The following GALNT13 variants were observed in gnomAD, a reference collection of about 807,000 sequenced individuals.
The protein encoded by GALNT13 is polypeptide N-acetylgalactosaminyltransferase 13.
In GALNT13, 28 loss-of-function variants were observed where a neutral mutation model predicts 64.2. The ratio of observed to expected loss-of-function variants is 0.44; its 90% CI spans 0.32 to 0.60. GALNT13 has a LOEUF of 0.60. GALNT13 is among the 20% of genes least tolerant of loss of function. GALNT13 has a pLI of 0.05. For synonymous variants in GALNT13, 214 were observed against 224.6 expected (o/e 0.95, Z 0.42); for missense variants, 577 against 669.8 (o/e 0.86, Z 1.53).
chr2:154,171,156 G>T (rs191191682), intron 4 of GALNT13, among the ~76,000 whole-genome samples: 3 of 152,168 alleles, frequency 2.0e-5, no homozygotes, highest in African/African-American at 7.2e-5. Flanking sequence ...ATATTTTTCA[G>T]ACCAAACAAA....
rs549830315 is a variant in GALNT13 at position 154,111,662 on chromosome 2, A to T, written c.143-28675A>T. Among the ~76,000 whole-genome samples the T allele has an allele frequency of 2.6e-5, 4 of 152,296 alleles. No homozygotes were observed. In the South Asian group the frequency reaches 8.3e-4, roughly 32 times the overall value. ...ACTAGAGGTGATGGTCAGTGGTCCC[A>T]CTTCCACTTCCACCCCTTGATTCCT... On this transcript the variant is annotated intron_variant, in intron 3 of 12. Transcript: ENST00000392825.
At chr2:153,078,904 G>A in the GALNT13 span, among the ~76,000 whole-genome samples, 9 of 151,960 alleles carry the variant, frequency 5.9e-5, no homozygotes, top group Admixed American at 2.6e-4. Context: ...GGGAATCTTA[G>A]AATAAACTTA....
At chr2:153,884,155 A>G (rs1436633856) in intron 1 of GALNT13, among the ~76,000 whole-genome samples, 1 of 152,076 alleles carries the variant, frequency 6.6e-6, no homozygotes. Flanking sequence ...ATAACCAACA[A>G]GAGGAATAAT....
At chr2:154,218,085 A>G (rs932268489) in intron 4 of GALNT13, among the ~76,000 whole-genome samples, 9 of 152,290 alleles carry the variant, frequency 5.9e-5, no homozygotes, top group East Asian at 1.9e-4. Context: ...ATCAGATTCC[A>G]GGAAATAATA....
chr2:153,609,557 A>G, the GALNT13 span, among the ~76,000 whole-genome samples: 1 of 152,116 alleles, frequency 6.6e-6, no homozygotes, highest in Non-Finnish European at 1.5e-5. Flanking sequence ...CTCACCCAGT[A>G]AAATGTCTCC....
At chr2:153,212,680 A>C in the GALNT13 span, among the ~76,000 whole-genome samples, 122 of 152,312 alleles carry the variant, frequency 8.0e-4, no homozygotes, top group African/African-American at 2.8e-3. Context: ...ATAATTAAAC[A>C]AAATAGAATC....
chr2:154,088,172 A>G (rs1701626903), intron 3 of GALNT13, among the ~76,000 whole-genome samples: 1 of 152,106 alleles, frequency 6.6e-6, no homozygotes, highest in African/African-American at 2.4e-5. Context: ...GTAGCCTTGC[A>G]TCTCTAATTG....
chr2:153,620,033 C>A, the GALNT13 span, among the ~76,000 whole-genome samples: 1 of 152,022 alleles, frequency 6.6e-6, no homozygotes, highest in Admixed American at 6.6e-5. Flanking sequence ...TTAGAATAAA[C>A]CTCCTAGTCC....
the GALNT13 span, among the ~76,000 whole-genome samples, chr2:153,515,230 C>T: frequency 6.6e-6 from 1 of 152,112 alleles, no homozygotes; most frequent in Non-Finnish European, 1.5e-5. Context: ...CTTGATAGGT[C>T]ATAGAAACCA....
chr2:154,067,324 C>T (rs1700518195), intron 3 of GALNT13, among the ~76,000 whole-genome samples: 1 of 151,922 alleles, frequency 6.6e-6, no homozygotes, highest in African/African-American at 2.4e-5. Flanking sequence ...CTAAACTCTC[C>T]AATCAAAAGG....
chr2:153,576,312 TTC>T, the GALNT13 span, among the ~76,000 whole-genome samples: 6 of 150,492 alleles, frequency 4.0e-5, no homozygotes, highest in African/African-American at 1.5e-4. Context: ...GCGGGCCCAG[TTC>T]AACACTAGGA....
the GALNT13 span, among the ~76,000 whole-genome samples, chr2:153,338,294 A>T: frequency 6.6e-6 from 1 of 152,182 alleles, no homozygotes; most frequent in Non-Finnish European, 1.5e-5. Context: ...CCCTGTTTCT[A>T]AACATATATG....
chr2:153,481,849 G>A, the GALNT13 span, among the ~76,000 whole-genome samples: 1 of 152,060 alleles, frequency 6.6e-6, no homozygotes, highest in Non-Finnish European at 1.5e-5. Context: ...TGTACATTAT[G>A]AAAATATTAA....
chr2:154,194,697 G>A (rs527479877), intron 4 of GALNT13, among the ~76,000 whole-genome samples: 1 of 152,040 alleles, frequency 6.6e-6, no homozygotes, highest in East Asian at 1.9e-4. Context: ...TGTTTTAGGG[G>A]CTTCATATGA....
At chr2:154,346,849 G>C (rs1696095563) in intron 9 of GALNT13, among the ~76,000 whole-genome samples, 1 of 151,912 alleles carries the variant, frequency 6.6e-6, no homozygotes, top group Admixed American at 6.6e-5. Context: ...CTAGACCCTG[G>C]TCAAATAGCC....
chr2:153,618,676 G>A, the GALNT13 span, among the ~76,000 whole-genome samples: 8 of 151,790 alleles, frequency 5.3e-5, no homozygotes, highest in Admixed American at 4.6e-4. Flanking sequence ...CTAATGATAT[G>A]TCCTTTATAT....
chr2:153,823,576 A>G, the GALNT13 span, among the ~76,000 whole-genome samples: 2 of 151,400 alleles, frequency 1.3e-5, no homozygotes, highest in Non-Finnish European at 2.9e-5. Flanking sequence ...ATGCAGAACA[A>G]TCAAATTAGA....
At chr2:153,815,710 TAATA>T in the GALNT13 span, among the ~76,000 whole-genome samples, 1 of 152,308 alleles carries the variant, frequency 6.6e-6, no homozygotes, top group African/African-American at 2.4e-5. Flanking sequence ...TTTCTAAAAG[TAATA>T]AATCATTTAG....
At chr2:153,659,649 G>C in the GALNT13 span, among the ~76,000 whole-genome samples, 1 of 152,054 alleles carries the variant, frequency 6.6e-6, no homozygotes, top group Non-Finnish European at 1.5e-5. Flanking sequence ...GTTTTACCAC[G>C]ATTCAAACTT....
Sources: gnomAD v4.1 joint callset for allele counts (sites outside exome capture counted in the v4.1 genomes callset) on GRCh38, gnomAD v4.1.1 for gene constraint, MANE v1.5 for transcripts, NCBI Gene and HGNC (gene_info 2026-07-23, HGNC 2026-07-21) for gene names.